POLR1A: variants seen among roughly 807,000 people sequenced by gnomAD.
The protein encoded by POLR1A is RNA polymerase I subunit A.
Under a neutral mutation model 205.3 loss-of-function variants are expected in POLR1A, and 84 were observed. The ratio of observed to expected loss-of-function variants is 0.41; its 90% CI spans 0.34 to 0.49. POLR1A has a LOEUF of 0.49. POLR1A is among the 20% of genes least tolerant of loss of function. The probability of loss-of-function intolerance (pLI) is 0.22; values close to 1 mark genes in which losing one functional copy is unlikely to be tolerated. For synonymous variants in POLR1A, 799 were observed against 863.7 expected (o/e 0.93, Z 1.31); for missense variants, 1,645 against 2,204.5 (o/e 0.75, Z 5.08).
At chr2:86,073,115 C>T (rs1445030604) in intron 12 of POLR1A, among the ~76,000 whole-genome samples, 1 of 151,848 alleles carries the variant, frequency 6.6e-6, no homozygotes, top group South Asian at 2.1e-4. Context: ...AGAAGGATCA[C>T]CTGAGCCCAG....
chr2:86,043,213 AAAAC>A lies in POLR1A; in HGVS notation c.3136-22_3136-19del, dbSNP rs776606758. On this transcript the variant is annotated intron_variant, in intron 22 of 33. Coordinates refer to ENST00000263857, the MANE Select transcript of POLR1A (RefSeq NM_015425.6). ...ATTATCACCTAAACAAACAAACAAA[AAAAC>A]AAACAAACAAATCACACACATGAGA... 5.3e-4 allele frequency: 843 copies of A among 1,577,460 alleles called. 6 individuals are homozygous for A. In the African/African-American group the frequency reaches 9.1e-3, roughly 17 times the overall value.
At chr2:86,052,246 GCA>G (rs1251715135) in intron 16 of POLR1A, among the ~76,000 whole-genome samples, 5 of 152,218 alleles carry the variant, frequency 3.3e-5, no homozygotes, top group African/African-American at 1.2e-4. Flanking sequence ...CACCCAGCCG[GCA>G]GTGGGCAGTT....
intron 25 of POLR1A, 95 bp downstream of exon 25, chr2:86,040,297 A>T: frequency 1.0e-6 from 1 of 994,144 alleles, no homozygotes; most frequent in Non-Finnish European, 1.4e-6. Context: ...ACACTCTCTC[A>T]TTCACACACA....
In POLR1A at chr2:86,025,815, C is replaced by T. The variant is rs976993111; in HGVS notation, c.*1608G>A. The T allele has an allele frequency of 1.3e-5, 2 of 152,254 alleles. No homozygotes were observed. The highest frequency in any genetic ancestry group is 4.8e-5 in the African/African-American group (2 of 41,456). 9.4% of individuals were successfully genotyped at this position (152,254 alleles called of 1,614,324 possible). ...TTTAACTCAAAGAATGAATGTCTTA[C>T]CCTGCAGGCTGGGCCCTTCCTGCCT... On this transcript the variant is annotated 3_prime_UTR_variant, in exon 34 of 34. Coordinates refer to ENST00000263857, the MANE Select transcript of POLR1A (RefSeq NM_015425.6).
intron 14 of POLR1A, among the ~76,000 whole-genome samples, chr2:86,064,209 G>A (rs943785740): frequency 3.3e-5 from 5 of 152,078 alleles, no homozygotes; most frequent in Admixed American, 3.3e-4. Flanking sequence ...ACTACACTAT[G>A]CAAGAATTTG....
intron 16 of POLR1A, among the ~76,000 whole-genome samples, chr2:86,051,147 G>A (rs1672794255): frequency 6.6e-6 from 1 of 150,586 alleles, no homozygotes; most frequent in Admixed American, 6.6e-5. Context: ...CAGACATGAG[G>A]ATGTAGACTT....
intron 27 of POLR1A, 132 bp downstream of exon 27, chr2:86,038,568 A>G (rs765951856): frequency 3.6e-6 from 3 of 823,878 alleles, no homozygotes; most frequent in Non-Finnish European, 3.8e-6. Context: ...TGCTTCCTAA[A>G]CACTTCCCTT....
chr2:86,057,533 T>C (rs776124213), intron 14 of POLR1A, among the ~76,000 whole-genome samples: 20 of 152,358 alleles, frequency 1.3e-4, no homozygotes, highest in Non-Finnish European at 1.6e-4. Flanking sequence ...CAGGTTTATT[T>C]GTAGTATCCA....
intron 24 of POLR1A, 49 bp from the exon 25 acceptor site, chr2:86,040,608 G>C (rs376037882): frequency 7.2e-7 from 1 of 1,393,926 alleles, no homozygotes. Context: ...CAGGGGTCAG[G>C]AGCAGACACC....
chr2:86,061,295 A>T (rs1442136858), intron 14 of POLR1A, among the ~76,000 whole-genome samples: 1 of 152,160 alleles, frequency 6.6e-6, no homozygotes, highest in African/African-American at 2.4e-5. Flanking sequence ...AAAAATACAA[A>T]AATTTGCTAG....
chr2:86,061,173 G>A (rs187792688), intron 14 of POLR1A, among the ~76,000 whole-genome samples: 5 of 152,254 alleles, frequency 3.3e-5, no homozygotes, highest in South Asian at 2.1e-4. Flanking sequence ...ACAGCTGGGC[G>A]AGGTGGCTCA....
In POLR1A at chr2:86,028,779, C is replaced by T. The variant is rs1015003412; in HGVS notation, c.4780-68G>A. 1 of 1,132,026 alleles carries T rather than the reference C, an allele frequency of 8.8e-7. No individual in the cohort carries two copies. Among genetic ancestry groups the T allele is most frequent in the Admixed American group, 1.8e-5 (1 of 54,084 alleles). 70.1% of individuals were successfully genotyped at this position (1,132,026 alleles called of 1,614,324 possible). A position where few individuals can be genotyped will look rare whatever the true frequency, so the allele number is the denominator to read the frequency against. ...TCTGCTCCCTTCTGCCTGCGTATCT[C>T]CCCCTGGCCGCTCTCTCTCTCCTTG... On this transcript the variant is annotated intron_variant, in intron 31 of 33. Coordinates refer to ENST00000263857, the MANE Select transcript of POLR1A (RefSeq NM_015425.6). The surrounding 1 kb of genome is among the most constrained non-coding windows in gnomAD (Gnocchi z 4.5).
At chr2:86,038,018 G>A (rs929688617) in intron 27 of POLR1A, among the ~76,000 whole-genome samples, 2 of 152,188 alleles carry the variant, frequency 1.3e-5, no homozygotes, top group African/African-American at 4.8e-5. Flanking sequence ...GGGTTAGCTG[G>A]TGAGTCAAAA....
In POLR1A at chr2:86,025,607, C is replaced by T. The variant is rs1327370048; in HGVS notation, c.*1816G>A. On this transcript the variant is annotated 3_prime_UTR_variant, in exon 34 of 34. Coordinates refer to ENST00000263857, the MANE Select transcript of POLR1A (RefSeq NM_015425.6). ...TCCCAACACAGGTCGGGGGTCTGAT[C>T]TAAGTGCGATGGTCACAGCCCTGCC... 1 of 152,288 alleles carries T rather than the reference C, an allele frequency of 6.6e-6. No individual in the cohort carries two copies. Among genetic ancestry groups the T allele is most frequent in the Non-Finnish European group, 1.5e-5 (1 of 68,066 alleles). 9.4% of individuals were successfully genotyped at this position (152,288 alleles called of 1,614,324 possible). A position where few individuals can be genotyped will look rare whatever the true frequency, so the allele number is the denominator to read the frequency against.
At chr2:86,092,790 A>T (rs1421982923) in intron 3 of POLR1A, among the ~76,000 whole-genome samples, 1 of 152,138 alleles carries the variant, frequency 6.6e-6, no homozygotes, top group African/African-American at 2.4e-5. Context: ...GTGCTGCTGC[A>T]CTCCAGCTTG....
Position 86,028,194 on chromosome 2 carries a change from C to G in POLR1A, c.4898-145G>C. Reference sequence around the variant, plus strand: ...CCTTCAGCTCCGCCACCTGCTCACGCTACTTAACCCTTCCCCGTGGTCTGG... The same window carrying G: ...CCTTCAGCTCCGCCACCTGCTCACGGTACTTAACCCTTCCCCGTGGTCTGG... On this transcript the variant is annotated intron_variant, in intron 32 of 33. Coordinates refer to ENST00000263857, the MANE Select transcript of POLR1A (RefSeq NM_015425.6). The surrounding 1 kb of genome is among the most constrained non-coding windows in gnomAD (Gnocchi z 4.5). The G allele has an allele frequency of 5.4e-6, 4 of 734,300 alleles. No homozygotes were observed. Among genetic ancestry groups the G allele is most frequent in the Non-Finnish European group, 9.4e-6 (4 of 423,720 alleles). 45.5% of individuals were successfully genotyped at this position (734,300 alleles called of 1,614,324 possible).
At chr2:86,057,525 G>C (rs1447964353) in intron 14 of POLR1A, among the ~76,000 whole-genome samples, 1 of 152,002 alleles carries the variant, frequency 6.6e-6, no homozygotes, top group African/African-American at 2.4e-5. Flanking sequence ...GTTCATTGCA[G>C]GTTTATTTGT....
At chr2:86,061,070 A>G (rs59891296) in intron 14 of POLR1A, among the ~76,000 whole-genome samples, 19,889 of 152,204 alleles carry the variant, frequency 0.13, 4,352 homozygotes, top group African/African-American at 0.45. Context: ...TCTTGTCATT[A>G]AGGACATGAT....
intron 6 of POLR1A, among the ~76,000 whole-genome samples, chr2:86,087,379 G>A (rs1233617617): frequency 6.6e-6 from 1 of 152,188 alleles, no homozygotes; most frequent in Non-Finnish European, 1.5e-5. Context: ...GAAAGGTTTA[G>A]TAACAGTATC....
Sources: allele counts gnomAD v4.1 joint callset (sites outside exome capture counted in the v4.1 genomes callset), GRCh38; gene constraint gnomAD v4.1.1; non-coding constraint Gnocchi (gnomAD v3.1); transcripts MANE v1.5; gene names NCBI Gene and HGNC (gene_info 2026-07-23, HGNC 2026-07-21).